The following PDGFD variants were observed in gnomAD, a reference collection of about 807,000 sequenced individuals.
The protein encoded by PDGFD is platelet-derived growth factor D.
PDGFD carries 30 observed loss-of-function variants against 44.7 expected under a neutral mutation model. That is an observed-to-expected ratio of 0.67 (90% CI 0.50 to 0.91). The LOEUF is 0.91. Ranked by LOEUF, PDGFD falls within the 40% of genes least tolerant of loss-of-function variation. The pLI, the probability that PDGFD is intolerant of heterozygous loss-of-function variation, is 0.00. For missense variants in PDGFD, 445 were observed against 457.8 expected (o/e 0.97, Z 0.25); for synonymous variants, 173 against 168.4 (o/e 1.03, Z -0.21).
At chr11:103,913,290 T>TA (rs1565282322) in intron 6 of PDGFD, among the ~76,000 whole-genome samples, 3 of 152,212 alleles carry the variant, frequency 2.0e-5, no homozygotes, top group East Asian at 3.8e-4. Context: ...ACAGAAATCC[T>TA]AACAAACAGT....
intron 6 of PDGFD, among the ~76,000 whole-genome samples, chr11:103,924,498 T>A (rs1343011390): frequency 7.2e-6 from 1 of 138,932 alleles, no homozygotes; most frequent in Admixed American, 7.0e-5. Context: ...AACAGTGGGG[T>A]GGATCAAGCA....
chr11:104,118,841 A>T (rs1388876267), intron 1 of PDGFD, among the ~76,000 whole-genome samples: 5 of 30,446 alleles, frequency 1.6e-4, no homozygotes, highest in South Asian at 1.2e-3. Context: ...TTAATATATA[A>T]TATATTATAT....
At chr11:103,963,880 G>A (rs577235027) in intron 3 of PDGFD, among the ~76,000 whole-genome samples, 36 of 151,614 alleles carry the variant, frequency 2.4e-4, no homozygotes, top group African/African-American at 6.5e-4. Context: ...CCTATCTCTC[G>A]GTAAAATATT....
chr11:104,094,831 C>T (rs1456242531), intron 1 of PDGFD, among the ~76,000 whole-genome samples: 2 of 152,122 alleles, frequency 1.3e-5, no homozygotes, highest in African/African-American at 4.8e-5. Context: ...AGACATGTAT[C>T]AGGTCTTGAT....
intron 3 of PDGFD, among the ~76,000 whole-genome samples, chr11:103,979,063 G>C (rs1259291867): frequency 6.6e-6 from 1 of 152,012 alleles, no homozygotes; most frequent in African/African-American, 2.4e-5. Context: ...ACTGAGTCAG[G>C]CATCAGTTCT....
rs775372440 is a variant in PDGFD, at chr11:104,037,216, G to A, written c.125-36961C>T. On this transcript the variant is annotated intron_variant, in intron 1 of 6. Transcript: ENST00000393158. ...GCGGTCACAGGGCTTGGCGTCAGGA[G>A]AGAAGGTGGCCGGCCTGCAAGGTCT... The A allele has an allele frequency of 1.9e-6, 3 of 1,613,600 alleles. No individual in the cohort carries two copies. The highest frequency in any genetic ancestry group is 2.7e-5 in the African/African-American group (2 of 74,954).
At chr11:103,939,600 T>G (rs896462843) in intron 5 of PDGFD, among the ~76,000 whole-genome samples, 1 of 152,102 alleles carries the variant, frequency 6.6e-6, no homozygotes, top group Non-Finnish European at 1.5e-5. Flanking sequence ...GAATTGTAGT[T>G]TAGTTTTAGT....
In PDGFD at chr11:103,913,272, G is replaced by A. The variant is rs995551663; in HGVS notation, c.988-3453C>T. ...TTAAGTAAAACACTCCTCAGCAAAT[G>A]CAAAAGAACAGAAATCCTAACAAAC... On this transcript the variant is annotated intron_variant, in intron 6 of 6. Coordinates refer to ENST00000393158, the MANE Select transcript of PDGFD (RefSeq NM_025208.5). 7.2e-5 allele frequency among the ~76,000 whole-genome samples: 11 copies of A among 152,234 alleles called. No individual in the cohort carries two copies. In the East Asian group the frequency reaches 2.1e-3, roughly 29 times the overall value.
intron 1 of PDGFD, among the ~76,000 whole-genome samples, chr11:104,015,350 CAG>C (rs1859844959): frequency 6.6e-6 from 1 of 152,086 alleles, no homozygotes; most frequent in Non-Finnish European, 1.5e-5. Context: ...AAAAGAAATG[CAG>C]ATTTTGTTTA....
intron 3 of PDGFD, among the ~76,000 whole-genome samples, chr11:103,975,245 T>C (rs1565300040): frequency 6.6e-6 from 1 of 152,174 alleles, no homozygotes; most frequent in Non-Finnish European, 1.5e-5. Flanking sequence ...TAACCAATGA[T>C]GATGAGCTTT....
At chr11:104,084,962 A>T (rs992749925) in intron 1 of PDGFD, among the ~76,000 whole-genome samples, 16 of 148,354 alleles carry the variant, frequency 1.1e-4, no homozygotes, top group Non-Finnish European at 1.9e-4. Flanking sequence ...AATAAATAAA[A>T]ATAAAAATAT....
At chr11:104,040,032 T>A (rs1860322730) in intron 1 of PDGFD, among the ~76,000 whole-genome samples, 1 of 152,162 alleles carries the variant, frequency 6.6e-6, no homozygotes, top group South Asian at 2.1e-4. Flanking sequence ...TATAATTATT[T>A]GTTTCTTATT....
intron 3 of PDGFD, among the ~76,000 whole-genome samples, chr11:103,977,573 C>A (rs1055692049): frequency 6.6e-6 from 1 of 152,034 alleles, no homozygotes; most frequent in Non-Finnish European, 1.5e-5. Flanking sequence ...CCCCCCAGTA[C>A]CAAGCATAAA....
At chr11:103,939,628 G>A (rs548458839) in intron 5 of PDGFD, among the ~76,000 whole-genome samples, 1 of 152,186 alleles carries the variant, frequency 6.6e-6, no homozygotes, top group East Asian at 1.9e-4. Flanking sequence ...CAGTGGTAAT[G>A]CAGCAATTTA....
At chr11:104,027,824 A>T (rs1860065390) in intron 1 of PDGFD, among the ~76,000 whole-genome samples, 1 of 152,216 alleles carries the variant, frequency 6.6e-6, no homozygotes, top group South Asian at 2.1e-4. Context: ...ACAAGGGCAG[A>T]TTGAATTGAT....
At chr11:103,996,451 C>G (rs370229870) in intron 2 of PDGFD, among the ~76,000 whole-genome samples, 1 of 152,108 alleles carries the variant, frequency 6.6e-6, no homozygotes, top group African/African-American at 2.4e-5. Context: ...TCTGAGAAAA[C>G]CTTTACATAC....
chr11:104,162,128 T>A (rs117368414), intron 1 of PDGFD, among the ~76,000 whole-genome samples: 1,854 of 149,514 alleles, frequency 0.012, 32 homozygotes, highest in Non-Finnish European at 0.016. Flanking sequence ...CAATGGAAAC[T>A]AAAATGAGAT....
At chr11:104,055,937 T>C (rs1482783950) in intron 1 of PDGFD, among the ~76,000 whole-genome samples, 3 of 152,132 alleles carry the variant, frequency 2.0e-5, no homozygotes, top group East Asian at 3.8e-4. Context: ...GATTTAAGTA[T>C]TTTTTTCCTT....
rs558452277 is a variant in PDGFD at position 104,063,307 on chromosome 11, C to CGT, written c.125-63054_125-63053dup. 7.3e-5 allele frequency among the ~76,000 whole-genome samples: 11 copies of CGT among 150,220 alleles called. No individual in the cohort carries two copies. The South Asian group carries it at 1.1e-3, about 15-fold the overall frequency. ...TTACCTTCTATGATGCTGTTTTAGA[C>CGT]GTGTGTGTGTGTGAGAGAGAGAGGA... is the stretch of plus-strand genomic sequence containing the variant. On this transcript the variant is annotated intron_variant, in intron 1 of 6. Transcript: ENST00000393158.
Sources: allele counts gnomAD v4.1 joint callset (sites outside exome capture counted in the v4.1 genomes callset), GRCh38; gene constraint gnomAD v4.1.1; transcripts MANE v1.5; gene names NCBI Gene and HGNC (gene_info 2026-07-23, HGNC 2026-07-21).